The following ADAMTS12 variants were observed in gnomAD, a reference collection of about 807,000 sequenced individuals.
The protein encoded by ADAMTS12 is A disintegrin and metalloproteinase with thrombospondin motifs 12.
In ADAMTS12, 118 loss-of-function variants were observed where a neutral mutation model predicts 167.8. That is an observed-to-expected ratio of 0.70 (90% CI 0.61 to 0.82). The LOEUF (loss-of-function observed/expected upper bound fraction) is 0.82. ADAMTS12 is among the 40% of genes least tolerant of loss of function. The probability of loss-of-function intolerance (pLI) is 0.00; values close to 1 mark genes in which losing one functional copy is unlikely to be tolerated. For missense variants in ADAMTS12, 1,916 were observed against 1,998.8 expected (o/e 0.96, Z 0.79); for synonymous variants, 704 against 716.9 (o/e 0.98, Z 0.29).
At chr5:33,747,670 C>T (rs1004085938) in intron 3 of ADAMTS12, among the ~76,000 whole-genome samples, 1 of 151,952 alleles carries the variant, frequency 6.6e-6, no homozygotes, top group Non-Finnish European at 1.5e-5. Flanking sequence ...GAGATTGGAT[C>T]GAGTGTGAAA....
In ADAMTS12 at chr5:33,527,114, G is replaced by A. The variant is rs1743854657; in HGVS notation, c.*74C>T. ...ATATATGAAGCAAAACCTCAACGAA[G>A]CAGCTCCCAGGGCTAAAGCATGTCA... is the stretch of plus-strand genomic sequence containing the variant. On this transcript the variant is annotated 3_prime_UTR_variant, in exon 24 of 24. Transcript: ENST00000504830. 4 of 1,549,638 alleles carry A rather than the reference G, an allele frequency of 2.6e-6. No homozygotes were observed. The South Asian group carries it at 3.5e-5, about 14-fold the overall frequency.
At chr5:33,696,447 G>T (rs1742778998) in intron 3 of ADAMTS12, among the ~76,000 whole-genome samples, 1 of 148,442 alleles carries the variant, frequency 6.7e-6, no homozygotes. Context: ...ATTATAATTA[G>T]CCAGAAATTC....
At chr5:33,559,180 A>G (rs2111878956) in intron 20 of ADAMTS12, among the ~76,000 whole-genome samples, 1 of 152,332 alleles carries the variant, frequency 6.6e-6, no homozygotes, top group South Asian at 2.1e-4. Flanking sequence ...AGGTGACATC[A>G]GCTTCCCTAA....
intron 2 of ADAMTS12, among the ~76,000 whole-genome samples, chr5:33,808,699 A>G (rs542775173): frequency 6.6e-6 from 1 of 152,362 alleles, no homozygotes; most frequent in South Asian, 2.1e-4. Context: ...AGAACTGGGT[A>G]CAGATATAAA....
At chr5:33,659,318 G>A (rs1044207395) in intron 6 of ADAMTS12, among the ~76,000 whole-genome samples, 1 of 152,180 alleles carries the variant, frequency 6.6e-6, no homozygotes, top group Non-Finnish European at 1.5e-5. Flanking sequence ...AGCAGCAGCA[G>A]TTACTGGGGG....
chr5:33,749,105 T>C (rs1744887945), intron 3 of ADAMTS12, among the ~76,000 whole-genome samples: 1 of 152,194 alleles, frequency 6.6e-6, no homozygotes, highest in Non-Finnish European at 1.5e-5. Context: ...TAATATACTC[T>C]AGTTTCATCT....
intron 3 of ADAMTS12, among the ~76,000 whole-genome samples, chr5:33,715,615 G>A (rs1743578685): frequency 6.6e-6 from 1 of 152,022 alleles, no homozygotes; most frequent in South Asian, 2.1e-4. Context: ...TTTTGTAGTT[G>A]CTCAGCTTCT....
chr5:33,600,542 T>A (rs5025643), intron 16 of ADAMTS12, among the ~76,000 whole-genome samples: 3,251 of 152,316 alleles, frequency 0.021, 42 homozygotes, highest in African/African-American at 0.05. Flanking sequence ...CTTATTGTAA[T>A]GACTTATGGT....
At chr5:33,571,052 G>A (rs1016942055) in intron 19 of ADAMTS12, among the ~76,000 whole-genome samples, 6 of 151,480 alleles carry the variant, frequency 4.0e-5, no homozygotes, top group Non-Finnish European at 8.8e-5. Context: ...CTAACTATCC[G>A]AAATATATAT....
chr5:33,731,690 T>C (rs1744199762), intron 3 of ADAMTS12, among the ~76,000 whole-genome samples: 1 of 152,068 alleles, frequency 6.6e-6, no homozygotes. Flanking sequence ...TTAAGGCCAG[T>C]GTGAAAAGGC....
intron 18 of ADAMTS12, among the ~76,000 whole-genome samples, chr5:33,587,201 T>C (rs937721887): frequency 6.6e-6 from 1 of 152,218 alleles, no homozygotes; most frequent in East Asian, 1.9e-4. Flanking sequence ...TGCTTTCAAA[T>C]AGGTATCTTC....
chr5:33,580,542 T>C (rs1747013490), intron 18 of ADAMTS12, among the ~76,000 whole-genome samples: 1 of 152,182 alleles, frequency 6.6e-6, no homozygotes, highest in South Asian at 2.1e-4. Context: ...AGCCAGACCA[T>C]TTCAGCTACC....
intron 2 of ADAMTS12, among the ~76,000 whole-genome samples, chr5:33,762,796 G>A (rs969753072): frequency 2.6e-5 from 4 of 152,226 alleles, no homozygotes; most frequent in African/African-American, 4.8e-5. Flanking sequence ...ACTTCAGAGT[G>A]ACTAGCAGTG....
intron 12 of ADAMTS12, among the ~76,000 whole-genome samples, chr5:33,635,665 GCCT>G (rs1740154314): frequency 6.6e-6 from 1 of 152,188 alleles, no homozygotes; most frequent in Non-Finnish European, 1.5e-5. Flanking sequence ...CTAAAAGGAT[GCCT>G]GGGAGGCTGT....
chr5:33,568,485 G>A (rs1366309460), intron 19 of ADAMTS12, among the ~76,000 whole-genome samples: 2 of 152,192 alleles, frequency 1.3e-5, no homozygotes, highest in Non-Finnish European at 2.9e-5. Context: ...ATCCACCAGA[G>A]AGATAGCAGA....
chr5:33,807,458 T>G (rs995931810), intron 2 of ADAMTS12, among the ~76,000 whole-genome samples: 1 of 152,218 alleles, frequency 6.6e-6, no homozygotes, highest in African/African-American at 2.4e-5. Flanking sequence ...TTTCCTCATC[T>G]ATAAAATAAT....
rs2111711528 is a variant in ADAMTS12 at position 33,527,154 on chromosome 5, C to T, written c.*34G>A. On this transcript the variant is annotated 3_prime_UTR_variant, in exon 24 of 24. Coordinates refer to ENST00000504830, the MANE Select transcript of ADAMTS12 (RefSeq NM_030955.4). ...AAAGCATGTCATGGTCAGCAGGCTG[C>T]TGCAGTCTGGTGGAAGCTGGCTTCC... 1 of 1,612,064 alleles carries T rather than the reference C, an allele frequency of 6.2e-7. No individual in the cohort carries two copies. Among genetic ancestry groups the T allele is most frequent in the South Asian group, 1.1e-5 (1 of 90,940 alleles).
intron 2 of ADAMTS12, among the ~76,000 whole-genome samples, chr5:33,868,182 T>C (rs943721587): frequency 1.3e-5 from 2 of 152,196 alleles, no homozygotes; most frequent in Admixed American, 6.5e-5. Context: ...TTTATAGCAC[T>C]ATGAGAATGG....
intron 19 of ADAMTS12, among the ~76,000 whole-genome samples, chr5:33,564,978 A>G (rs964656157): frequency 1.1e-4 from 16 of 152,130 alleles, no homozygotes; most frequent in Non-Finnish European, 2.9e-5. Context: ...ATTGATATCA[A>G]TGGTGATTCT....
Sources: gnomAD v4.1 joint callset for allele counts (sites outside exome capture counted in the v4.1 genomes callset) on GRCh38, gnomAD v4.1.1 for gene constraint, MANE v1.5 for transcripts, NCBI Gene and HGNC (gene_info 2026-07-23, HGNC 2026-07-21) for gene names.